The following ARHGAP28 variants were observed in gnomAD, a reference collection of about 807,000 sequenced individuals.
The protein encoded by ARHGAP28 is Rho GTPase activating protein 28.
A neutral mutation model predicts 90.7 loss-of-function variants in ARHGAP28; 56 were observed. That is an observed-to-expected ratio of 0.62 (90% CI 0.50 to 0.77). ARHGAP28 has a LOEUF of 0.77. Ranked by LOEUF, ARHGAP28 falls within the 30% of genes least tolerant of loss-of-function variation. The probability of loss-of-function intolerance (pLI) is 0.00; values close to 1 mark genes in which losing one functional copy is unlikely to be tolerated. For missense variants in ARHGAP28, 869 were observed against 900.9 expected, an observed-to-expected ratio of 0.96 and a Z score of 0.45; for synonymous variants, 308 against 323.3, an observed-to-expected ratio of 0.95 and a Z score of 0.51.
rs1333014087 is a variant in ARHGAP28, at chr18:6,914,008, C to T, written c.*1854C>T. ...AGAAATTCTTCAAATAGCTACCTTA[C>T]ATTTCTGCGTATATATGAAAACTGA... is the stretch of plus-strand genomic sequence containing the variant. On this transcript the variant is annotated 3_prime_UTR_variant, in exon 18 of 18. Coordinates refer to ENST00000383472, the MANE Select transcript of ARHGAP28 (RefSeq NM_001366230.1). 1 of 152,160 alleles carries T rather than the reference C, an allele frequency of 6.6e-6. No homozygotes were observed. Among genetic ancestry groups the T allele is most frequent in the Non-Finnish European group, 1.5e-5 (1 of 68,028 alleles). The allele number at this position is 152,160 out of a possible 1,614,324, so 9.4% of individuals were successfully genotyped here.
At chr18:6,894,918 C>G in intron 15 of ARHGAP28, 27 bp downstream of exon 15, 2 of 1,597,494 alleles carry the variant, frequency 1.3e-6, no homozygotes, top group Non-Finnish European at 1.7e-6. Flanking sequence ...CTTTTCCCTT[C>G]CATTAACTCC....
intron 16 of ARHGAP28, among the ~76,000 whole-genome samples, chr18:6,908,015 G>A (rs1249819290): frequency 6.6e-6 from 1 of 152,146 alleles, no homozygotes; most frequent in Non-Finnish European, 1.5e-5. Context: ...GGTCAGCGAT[G>A]GTCATTCAGA....
At chr18:6,904,262 C>T (rs1205805779) in intron 16 of ARHGAP28, among the ~76,000 whole-genome samples, 3 of 151,936 alleles carry the variant, frequency 2.0e-5, no homozygotes, top group Non-Finnish European at 2.9e-5. Context: ...GGCGTGGTGG[C>T]GGGCACCTGT....
chr18:6,748,799 A>G (rs1377966867), intron 1 of ARHGAP28, among the ~76,000 whole-genome samples: 1 of 152,148 alleles, frequency 6.6e-6, no homozygotes, highest in Non-Finnish European at 1.5e-5. Flanking sequence ...AAAACAAGGG[A>G]AATTAATCCT....
In ARHGAP28 at chr18:6,896,637, G is replaced by A. The variant is rs1567986683; in HGVS notation, c.2030+11G>A. ...TCAATATGAAAACAGGTGAGTCAAT[G>A]TGAATGAAGGTCTCTGCACAAGAAG... On this transcript the variant is annotated intron_variant, in intron 16 of 17. Transcript: ENST00000383472. The A allele has an allele frequency of 6.2e-7, 1 of 1,613,702 alleles. No homozygotes were observed. The highest frequency in any genetic ancestry group is 8.5e-7 in the Non-Finnish European group (1 of 1,179,908).
chr18:6,772,828 C>A (rs1032505141), intron 1 of ARHGAP28, among the ~76,000 whole-genome samples: 1 of 151,954 alleles, frequency 6.6e-6, no homozygotes, highest in Admixed American at 6.6e-5. Context: ...TCTGCCTCCG[C>A]CTCCCGGGTC....
At chr18:6,893,092 T>C (rs1454530666) in intron 14 of ARHGAP28, among the ~76,000 whole-genome samples, 2 of 152,254 alleles carry the variant, frequency 1.3e-5, no homozygotes, top group Non-Finnish European at 2.9e-5. Context: ...CAATTTCTTC[T>C]GATCCACTGC....
At chr18:6,899,864 C>T (rs896758846) in intron 16 of ARHGAP28, among the ~76,000 whole-genome samples, 1 of 152,096 alleles carries the variant, frequency 6.6e-6, no homozygotes, top group Admixed American at 6.6e-5. Context: ...TACCAGTAAG[C>T]CCCAGTGGGG....
At chr18:6,843,754 A>G (rs2056845078) in intron 3 of ARHGAP28, among the ~76,000 whole-genome samples, 1 of 152,244 alleles carries the variant, frequency 6.6e-6, no homozygotes, top group African/African-American at 2.4e-5. Context: ...AATGAAAGTA[A>G]TACATAATTG....
intron 1 of ARHGAP28, chr18:6,791,085 G>A (rs2056403134): frequency 6.6e-6 from 1 of 152,112 alleles, no homozygotes; most frequent in South Asian, 2.1e-4. Context: ...TATATATAAA[G>A]GGGAGTTTAT....
intron 1 of ARHGAP28, among the ~76,000 whole-genome samples, chr18:6,784,442 CT>C (rs2056350905): frequency 6.6e-6 from 1 of 152,252 alleles, no homozygotes; most frequent in East Asian, 1.9e-4. Context: ...AAGCCCACAA[CT>C]TTTCTTGCTT....
intron 13 of ARHGAP28, 72 bp from the exon 14 acceptor site, chr18:6,890,358 C>A: frequency 2.0e-6 from 2 of 986,536 alleles, no homozygotes; most frequent in Non-Finnish European, 3.1e-6. Flanking sequence ...AGTTGCCATG[C>A]CTGAAGACAA....
At position 6,837,019 on chromosome 18, in the gene ARHGAP28, A is replaced by G. The variant is rs73384521; in HGVS notation, c.326-178A>G. On this transcript the variant is annotated intron_variant, in intron 2 of 17. Coordinates refer to ENST00000383472, the MANE Select transcript of ARHGAP28 (RefSeq NM_001366230.1). Reference sequence around the variant, plus strand: ...CTTACTCTATTAGAAAATACTTTAAAATTTGACTTATTTTAAAAATACAGT... The same window carrying G: ...CTTACTCTATTAGAAAATACTTTAAGATTTGACTTATTTTAAAAATACAGT... 4.4e-3 allele frequency among the ~76,000 whole-genome samples: 668 copies of G among 152,256 alleles called. 3 individuals are homozygous for G. The highest frequency in any genetic ancestry group is 0.016 in the African/African-American group (650 of 41,558).
intron 12 of ARHGAP28, 135 bp downstream of exon 12, chr18:6,887,374 G>A: frequency 4.3e-6 from 3 of 697,844 alleles, no homozygotes; most frequent in African/African-American, 1.8e-5. Context: ...GCCTTTCTGT[G>A]CTCCCACTGC....
At chr18:6,796,126 C>T (rs539001275) in intron 1 of ARHGAP28, among the ~76,000 whole-genome samples, 11 of 152,316 alleles carry the variant, frequency 7.2e-5, no homozygotes, top group South Asian at 2.1e-4. Context: ...GGCCCAGGAA[C>T]GTACCAAGAG....
At chr18:6,755,213 G>T (rs1012948595) in intron 1 of ARHGAP28, among the ~76,000 whole-genome samples, 2 of 152,118 alleles carry the variant, frequency 1.3e-5, no homozygotes, top group Admixed American at 6.6e-5. Flanking sequence ...GAATTTTAAT[G>T]TGATATGGAA....
At chr18:6,861,806 A>G (rs1322076226) in intron 5 of ARHGAP28, among the ~76,000 whole-genome samples, 2 of 152,188 alleles carry the variant, frequency 1.3e-5, no homozygotes, top group African/African-American at 4.8e-5. Flanking sequence ...TCATTCAGTC[A>G]TTCATTCAGC....
rs558134845 is a variant in ARHGAP28, at chr18:6,785,248, T to C, written c.123-39514T>C. The stretch of plus-strand genomic sequence containing the variant: ...AGATTCCAGATTACCTCAGCAAGAG[T>C]AGTAGAACACTTTTTCATATCATTA... On this transcript the variant is annotated intron_variant, in intron 1 of 17. Transcript: ENST00000383472. Among the ~76,000 whole-genome samples, 47 of 152,144 alleles carry C rather than the reference T, an allele frequency of 3.1e-4. 1 individual carries two copies. The South Asian group carries it at 7.9e-3, about 26-fold the overall frequency.
chr18:6,849,627 G>C (rs2056894071), intron 3 of ARHGAP28, among the ~76,000 whole-genome samples: 1 of 152,086 alleles, frequency 6.6e-6, no homozygotes, highest in Non-Finnish European at 1.5e-5. Context: ...AAGATGCTAG[G>C]CCCTAAATCG....
Sources: allele counts gnomAD v4.1 joint callset (sites outside exome capture counted in the v4.1 genomes callset), GRCh38; gene constraint gnomAD v4.1.1; transcripts MANE v1.5; gene names NCBI Gene and HGNC (gene_info 2026-07-23, HGNC 2026-07-21).